The following APOLD1 variants were observed in gnomAD, a reference collection of about 807,000 sequenced individuals.
The protein encoded by APOLD1 is apolipoprotein L domain containing 1.
In APOLD1, 22 loss-of-function variants were observed where a neutral mutation model predicts 15.3. The observed-to-expected ratio is 1.44, with a 90% CI of 1.03 to 2.05. The LOEUF (loss-of-function observed/expected upper bound fraction) is 2.05. Ranked by LOEUF, APOLD1 falls within the 30% of genes most tolerant of loss-of-function variation. APOLD1 has a pLI of 0.00. For synonymous variants in APOLD1, 190 were observed against 167.4 expected, an observed-to-expected ratio of 1.13 and a Z score of -1.04; for missense variants, 394 against 353.5, an observed-to-expected ratio of 1.11 and a Z score of -0.92.
At chr12:12,777,923 T>TTTTTTGTTG (rs1555092183) in intron 1 of APOLD1, among the ~76,000 whole-genome samples, 33 of 121,588 alleles carry the variant, frequency 2.7e-4, no homozygotes, top group Non-Finnish European at 3.9e-4. Flanking sequence ...TTTTTTTTTT[T>TTTTTTGTTG]TTGTTGTTGT....
chr12:12,753,602 G>A (rs192087385), intron 1 of APOLD1, among the ~76,000 whole-genome samples: 160 of 152,240 alleles, frequency 1.1e-3, no homozygotes, highest in African/African-American at 3.2e-3. Context: ...CCAGGAGGTC[G>A]AGGTGGTAGC....
Position 12,787,416 on chromosome 12 carries a change from G to T in APOLD1, c.511G>T (p.Val171Phe), listed in dbSNP as rs1235711564. ...IALYNSVYFI[V>F]FFGSRGFLIP... ...CCTGTACAATTCTGTCTACTTCATC[G>T]TCTTCTTTGGCTCACGTGGCTTCCT... Residue 171 changes from valine to phenylalanine, a missense_variant, in exon 2 of 2, where the codon GTC (valine) becomes TTC (phenylalanine). Coordinates refer to ENST00000356591, the MANE Select transcript of APOLD1 (RefSeq NM_030817.3). This position sits in a 1 kb window ranked among gnomAD's most constrained non-coding sequence, Gnocchi z 4.9. 1 of 1,614,060 alleles carries T rather than the reference G, an allele frequency of 6.2e-7. No homozygotes were observed. The highest frequency in any genetic ancestry group is 8.5e-7 in the Non-Finnish European group (1 of 1,180,038).
At chr12:12,755,173 G>A (rs868040874) in intron 1 of APOLD1, among the ~76,000 whole-genome samples, 1 of 152,296 alleles carries the variant, frequency 6.6e-6, no homozygotes, top group Admixed American at 6.5e-5. Flanking sequence ...AACTTTATTT[G>A]TATAAAATCA....
chr12:12,758,143 A>G (rs966636645), intron 1 of APOLD1, among the ~76,000 whole-genome samples: 22 of 142,154 alleles, frequency 1.5e-4, no homozygotes, highest in Admixed American at 2.9e-4. Flanking sequence ...TCACTGTGTT[A>G]GCCAGGATGT....
rs149150506 is a variant in APOLD1, at chr12:12,787,387, T to C, written c.482T>C (p.Ile161Thr). ...CTGCAGTGCGGGAGGAACGCCTCCA[T>C]CGCCCTGTACAATTCTGTCTACTTC... is the stretch of plus-strand genomic sequence containing the variant. Reference protein sequence around the residue: ...QLLQCGRNASIALYNSVYFIV... With the variant: ...QLLQCGRNASTALYNSVYFIV... The change falls in exon 2 of 2, where the codon ATC becomes ACC. Residue 161 changes from isoleucine (I) to threonine (T), a missense_variant. Physicochemically the swap from Ile to Thr is moderately conservative, Grantham distance 89. Transcript: ENST00000356591. This position sits in a 1 kb window ranked among gnomAD's most constrained non-coding sequence, Gnocchi z 4.9. 6 of 1,614,064 alleles carry C rather than the reference T, an allele frequency of 3.7e-6. No individual in the cohort carries two copies. The highest frequency in any genetic ancestry group is 5.1e-6 in the Non-Finnish European group (6 of 1,180,044).
At chr12:12,735,072 T>G (rs1946673733) in intron 1 of APOLD1, among the ~76,000 whole-genome samples, 1 of 152,048 alleles carries the variant, frequency 6.6e-6, no homozygotes, top group Non-Finnish European at 1.5e-5. Context: ...CAGCCTGTGT[T>G]TACTGAAAAG....
chr12:12,732,616 T>C (rs1946648438), intron 1 of APOLD1, among the ~76,000 whole-genome samples: 1 of 151,676 alleles, frequency 6.6e-6, no homozygotes, highest in Non-Finnish European at 1.5e-5. Context: ...TCCCATCTAC[T>C]TGGGAGGCTG....
chr12:12,741,495 T>A (rs576883226), intron 1 of APOLD1, among the ~76,000 whole-genome samples: 2 of 152,346 alleles, frequency 1.3e-5, no homozygotes, highest in African/African-American at 4.8e-5. Context: ...ATTACAGGCA[T>A]GAGCCATTGT....
chr12:12,767,704 A>G (rs1946952328), intron 1 of APOLD1, among the ~76,000 whole-genome samples: 1 of 152,214 alleles, frequency 6.6e-6, no homozygotes, highest in Non-Finnish European at 1.5e-5. Context: ...CTATTTACAT[A>G]GCACTTACAT....
At chr12:12,744,293 A>G (rs1329248347) in intron 1 of APOLD1, among the ~76,000 whole-genome samples, 2 of 143,008 alleles carry the variant, frequency 1.4e-5, no homozygotes, top group Admixed American at 7.1e-5. Flanking sequence ...TGGGCAATAG[A>G]GCCAGACCCT....
chr12:12,764,566 A>G (rs1166126886), intron 1 of APOLD1: 1 of 295,196 alleles, frequency 3.4e-6, no homozygotes, highest in Admixed American at 4.5e-5. Flanking sequence ...ATGGAGAAGG[A>G]TTTATTTCTA....
chr12:12,735,487 G>C (rs1352699095), intron 1 of APOLD1, among the ~76,000 whole-genome samples: 1 of 152,184 alleles, frequency 6.6e-6, no homozygotes, highest in Non-Finnish European at 1.5e-5. Flanking sequence ...GCAAGTCAGA[G>C]AAGAGCTTTG....
intron 1 of APOLD1, among the ~76,000 whole-genome samples, chr12:12,777,637 G>A (rs1162286300): frequency 6.6e-6 from 1 of 151,166 alleles, no homozygotes; most frequent in Non-Finnish European, 1.5e-5. Flanking sequence ...AATCCGAAAT[G>A]TTCCAGTGAG....
chr12:12,750,882 C>T (rs1040292458), intron 1 of APOLD1, among the ~76,000 whole-genome samples: 7 of 152,132 alleles, frequency 4.6e-5, no homozygotes, highest in Admixed American at 4.6e-4. Context: ...TGAAGCGATC[C>T]TCCCACCTCA....
At chr12:12,726,459 A>C (rs1946594530) in intron 1 of APOLD1, 2 of 291,202 alleles carry the variant, frequency 6.9e-6, no homozygotes, top group South Asian at 6.1e-5. Context: ...GTCTAATGGA[A>C]ATGACATTCT....
At chr12:12,725,937 T>C in exon 1 of APOLD1, 1 of 1,334,536 alleles carries the variant, frequency 7.5e-7, no homozygotes, top group Non-Finnish European at 9.9e-7. Context: ...CAGGCGGGGG[T>C]GCGCGGGGCG....
intron 1 of APOLD1, chr12:12,764,745 G>A (rs1298767084): frequency 6.1e-6 from 3 of 489,932 alleles, no homozygotes; most frequent in Non-Finnish European, 8.6e-6. Flanking sequence ...ACACCTTTAT[G>A]TGCATCTCAC....
chr12:12,777,960 A>G (rs144132342), intron 1 of APOLD1, among the ~76,000 whole-genome samples: 1,350 of 134,236 alleles, frequency 0.01, 22 homozygotes, highest in African/African-American at 0.037. Flanking sequence ...GTCTCACTCT[A>G]TCACCCAGGC....
chr12:12,755,852 A>G (rs12830751), intron 1 of APOLD1, among the ~76,000 whole-genome samples: 1 of 152,194 alleles, frequency 6.6e-6, no homozygotes, highest in Admixed American at 6.5e-5. Context: ...AAATAAACAA[A>G]CAAAAAACAT....
Sources: allele counts gnomAD v4.1 joint callset (sites outside exome capture counted in the v4.1 genomes callset), GRCh38; gene constraint gnomAD v4.1.1; non-coding constraint Gnocchi (gnomAD v3.1); transcripts MANE v1.5; gene names NCBI Gene and HGNC (gene_info 2026-07-23, HGNC 2026-07-21).